WWOX: variants seen among roughly 807,000 people sequenced by gnomAD.
The protein encoded by WWOX is WW domain-containing oxidoreductase.
A neutral mutation model predicts 46.2 loss-of-function variants in WWOX; 69 were observed. The observed-to-expected ratio is 1.49, with a 90% CI of 1.23 to 1.82. The LOEUF is 1.82. WWOX is among the 40% of genes most tolerant of loss of function. WWOX has a pLI of 0.00. For synonymous variants in WWOX, 359 were observed against 202.6 expected (o/e 1.77, Z -6.56); for missense variants, 919 against 542.6 (o/e 1.69, Z -6.89).
At chr16:78,427,568 A>G (rs2083114347) in intron 7 of WWOX, among the ~76,000 whole-genome samples, 1 of 151,864 alleles carries the variant, frequency 6.6e-6, no homozygotes, top group South Asian at 2.1e-4. Context: ...GGAGTTTCTC[A>G]GCTTCTGTGT....
chr16:78,631,032 T>G (rs2046416320), intron 8 of WWOX, among the ~76,000 whole-genome samples: 1 of 152,190 alleles, frequency 6.6e-6, no homozygotes, highest in Non-Finnish European at 1.5e-5. Context: ...ATTTATATCG[T>G]GTTTATATTG....
intron 8 of WWOX, among the ~76,000 whole-genome samples, chr16:79,023,964 C>CA (rs140384059): frequency 4.6e-5 from 7 of 150,924 alleles, no homozygotes; most frequent in Non-Finnish European, 8.9e-5. Context: ...AAAAAACAAA[C>CA]AAAAAAAACA....
At chr16:78,874,992 A>T (rs1367641517) in intron 8 of WWOX, among the ~76,000 whole-genome samples, 1 of 152,132 alleles carries the variant, frequency 6.6e-6, no homozygotes, top group Non-Finnish European at 1.5e-5. Flanking sequence ...GCCTTTGAGG[A>T]CTTGGCCTCT....
At chr16:79,177,242 C>T (rs181043528) in intron 8 of WWOX, among the ~76,000 whole-genome samples, 2 of 152,252 alleles carry the variant, frequency 1.3e-5, no homozygotes, top group Admixed American at 6.5e-5. Context: ...CCGCGAGTGC[C>T]GTTGTGGCCG....
At position 78,386,877 on chromosome 16, in the gene WWOX, A is replaced by C; in HGVS notation, c.534A>C (p.Glu178Asp). The change falls in exon 6 of 9, where the codon GAA becomes GAC. Residue 178 changes from glutamate to aspartate, a missense_variant. Coordinates refer to ENST00000566780, the MANE Select transcript of WWOX (RefSeq NM_016373.4). ...CATTGCAGCATAAAGCCAAGGTAGA[A>C]GCAATGACCCTGGACCTCGCTCTGC... is the stretch of plus-strand genomic sequence containing the variant. ...ILEEWHKAKV[E>D]AMTLDLALLR... 6.2e-7 allele frequency: 1 copy of C among 1,614,104 alleles called. No individual in the cohort carries two copies. The highest frequency in any genetic ancestry group is 1.1e-5 in the South Asian group (1 of 91,076).
intron 8 of WWOX, among the ~76,000 whole-genome samples, chr16:78,494,150 G>C (rs971590470): frequency 5.3e-5 from 8 of 152,158 alleles, no homozygotes; most frequent in African/African-American, 1.9e-4. Context: ...AAGAGAGAAA[G>C]TAGGGAGGTG....
rs1342282393 is a variant in WWOX, at chr16:79,043,622, C to G, written c.1057-167986C>G. ...TAATGTTTGCTAATAACACACAAAC[C>G]CACATTTTATTAAGTAAGTAATTTG... On this transcript the variant is annotated intron_variant, in intron 8 of 8. Coordinates refer to ENST00000566780, the MANE Select transcript of WWOX (RefSeq NM_016373.4). 2.0e-5 allele frequency among the ~76,000 whole-genome samples: 3 copies of G among 152,058 alleles called. No homozygotes were observed. In the East Asian group the frequency reaches 5.8e-4, roughly 29 times the overall value.
intron 8 of WWOX, among the ~76,000 whole-genome samples, chr16:79,020,873 G>A (rs2047519231): frequency 6.6e-6 from 1 of 152,150 alleles, no homozygotes; most frequent in Non-Finnish European, 1.5e-5. Context: ...ATAAAAAGCA[G>A]GCAGCCTGCT....
At chr16:78,276,756 G>C (rs1303932213) in intron 5 of WWOX, among the ~76,000 whole-genome samples, 1 of 152,140 alleles carries the variant, frequency 6.6e-6, no homozygotes, top group African/African-American at 2.4e-5. Context: ...ACCCACACCT[G>C]GCAATTTGGT....
At chr16:79,036,011 C>T (rs1331685022) in intron 8 of WWOX, among the ~76,000 whole-genome samples, 1 of 152,160 alleles carries the variant, frequency 6.6e-6, no homozygotes, top group Non-Finnish European at 1.5e-5. Flanking sequence ...CTATCTTTTC[C>T]GTTCCTCCTT....
intron 8 of WWOX, among the ~76,000 whole-genome samples, chr16:79,045,621 C>G (rs2048049896): frequency 6.6e-6 from 1 of 152,008 alleles, no homozygotes; most frequent in East Asian, 1.9e-4. Flanking sequence ...ATGAAAAGGA[C>G]CAGCTTGGAG....
At chr16:79,127,883 G>C (rs780605622) in intron 8 of WWOX, among the ~76,000 whole-genome samples, 1 of 152,186 alleles carries the variant, frequency 6.6e-6, no homozygotes. Flanking sequence ...ACAGAAGTTA[G>C]ACTGCAAGAA....
intron 6 of WWOX, among the ~76,000 whole-genome samples, chr16:78,421,528 A>G (rs1225235731): frequency 1.3e-5 from 2 of 152,148 alleles, no homozygotes; most frequent in African/African-American, 2.4e-5. Context: ...CTTTTTCCAA[A>G]TAAGGTCGCA....
intron 8 of WWOX, among the ~76,000 whole-genome samples, chr16:78,853,433 G>C (rs567786837): frequency 2.0e-5 from 3 of 152,108 alleles, no homozygotes; most frequent in South Asian, 4.1e-4. Context: ...GGCTGGTATT[G>C]TTTTCATTAT....
intron 8 of WWOX, among the ~76,000 whole-genome samples, chr16:78,674,524 A>G (rs2047545134): frequency 6.6e-6 from 1 of 152,026 alleles, no homozygotes; most frequent in South Asian, 2.1e-4. Flanking sequence ...ACGTCAGGTG[A>G]TCCACCCTCC....
At chr16:78,726,087 TCCTCCCTCCCTC>T (rs151264242) in intron 8 of WWOX, among the ~76,000 whole-genome samples, 1 of 113,126 alleles carries the variant, frequency 8.8e-6, no homozygotes, top group Admixed American at 8.6e-5. Context: ...CCCTCCCTCT[TCCTCCCTCCCTC>T]CCTCCCTCCC....
chr16:78,810,340 A>G (rs2051154268), intron 8 of WWOX, among the ~76,000 whole-genome samples: 1 of 152,224 alleles, frequency 6.6e-6, no homozygotes, highest in African/African-American at 2.4e-5. Flanking sequence ...ACCCTGCCTC[A>G]TATGATCAGC....
intron 5 of WWOX, among the ~76,000 whole-genome samples, chr16:78,360,585 C>CGAAAAAAAAAAA (rs2081387343): frequency 1.2e-5 from 1 of 86,546 alleles, no homozygotes; most frequent in South Asian, 3.5e-4. Flanking sequence ...GACTCTGTCT[C>CGAAAAAAAAAAA]AAAAAAAAAA....
intron 8 of WWOX, chr16:78,891,122 AC>A (rs751398727): frequency 2.6e-5 from 4 of 152,110 alleles, no homozygotes; most frequent in Non-Finnish European, 5.9e-5. Flanking sequence ...TTTTCTCAAA[AC>A]TGAAATTGTT....
Sources: gnomAD v4.1 joint callset for allele counts (sites outside exome capture counted in the v4.1 genomes callset) on GRCh38, gnomAD v4.1.1 for gene constraint, MANE v1.5 for transcripts, NCBI Gene and HGNC (gene_info 2026-07-23, HGNC 2026-07-21) for gene names.